Variants in TPO observed in about 807,000 individuals in gnomAD.
TPO encodes thyroid peroxidase.
Under a neutral mutation model 96.9 loss-of-function variants are expected in TPO, and 78 were observed. The ratio of observed to expected loss-of-function variants is 0.81; its 90% CI spans 0.67 to 0.97. The LOEUF is 0.97. TPO is among the 50% of genes least tolerant of loss of function. The pLI is 0.00. For missense variants in TPO, 1,252 were observed against 1,274.8 expected, an observed-to-expected ratio of 0.98 and a Z score of 0.27; for synonymous variants, 547 against 538.0, an observed-to-expected ratio of 1.02 and a Z score of -0.23.
In TPO at chr2:1,528,848, C is replaced by T. The variant is rs114832541; in HGVS notation, c.2619-11746C>T. 6.7e-3 allele frequency among the ~76,000 whole-genome samples: 978 copies of T among 146,646 alleles called. 36 individuals carry two copies. The highest frequency in any genetic ancestry group is 0.024 in the African/African-American group (928 of 38,420). On this transcript the variant is annotated intron_variant, in intron 15 of 16. Coordinates refer to ENST00000329066, the MANE Select transcript of TPO (RefSeq NM_001206744.2). ...CAAATCCTCCTACTGTGTGCAACCT[C>T]CTCAAATCCCCCACTGTGTGCAACC...
At chr2:1,540,806 C>T (rs890034419) in intron 16 of TPO, 83 bp downstream of exon 16, 9 of 1,608,944 alleles carry the variant, frequency 5.6e-6, no homozygotes, top group Non-Finnish European at 7.6e-6. Context: ...TCTGCTGGGG[C>T]TCCCTGCATA....
At chr2:1,385,597 T>G (rs1661879770) in intron 1 of TPO, among the ~76,000 whole-genome samples, 2 of 152,206 alleles carry the variant, frequency 1.3e-5, no homozygotes, top group South Asian at 2.1e-4. Flanking sequence ...GATTCTTCTC[T>G]CTTTTCTTCT....
intron 15 of TPO, among the ~76,000 whole-genome samples, chr2:1,517,280 C>T (rs1674810654): frequency 6.6e-6 from 1 of 152,164 alleles, no homozygotes; most frequent in South Asian, 2.1e-4. Flanking sequence ...TTGAAGTAGT[C>T]TCTTGTTAGG....
chr2:1,454,448 C>T (rs1374086208), intron 6 of TPO, among the ~76,000 whole-genome samples: 1 of 152,190 alleles, frequency 6.6e-6, no homozygotes, highest in Non-Finnish European at 1.5e-5. Context: ...GACAGATACA[C>T]CAGCACAGAG....
chr2:1,378,394 CA>C (rs1221293611), intron 1 of TPO, among the ~76,000 whole-genome samples: 5 of 152,236 alleles, frequency 3.3e-5, no homozygotes, highest in Admixed American at 3.3e-4. Context: ...TGCTTTTTCC[CA>C]GGGCTGTGGT....
chr2:1,414,953 C>A (rs1474163780), intron 2 of TPO, among the ~76,000 whole-genome samples: 2 of 152,246 alleles, frequency 1.3e-5, no homozygotes, highest in African/African-American at 4.8e-5. Flanking sequence ...AATAAAGTTC[C>A]AAACCCTGAG....
At chr2:1,464,643 C>T (rs1434994768) in intron 7 of TPO, among the ~76,000 whole-genome samples, 1 of 152,130 alleles carries the variant, frequency 6.6e-6, no homozygotes, top group Non-Finnish European at 1.5e-5. Flanking sequence ...TTGCATTTCC[C>T]TGATCATTAG....
At chr2:1,460,632 G>A (rs1345191633) in intron 7 of TPO, among the ~76,000 whole-genome samples, 1 of 152,234 alleles carries the variant, frequency 6.6e-6, no homozygotes, top group Admixed American at 6.5e-5. Context: ...AGAATGAAAT[G>A]AGATCGAATT....
intron 15 of TPO, among the ~76,000 whole-genome samples, chr2:1,524,197 T>A (rs1457013323): frequency 7.5e-6 from 1 of 133,842 alleles, no homozygotes; most frequent in Non-Finnish European, 1.6e-5. Flanking sequence ...CCATCCTGTG[T>A]GCAACCTCCT....
chr2:1,521,538 C>T (rs75673611), intron 15 of TPO, among the ~76,000 whole-genome samples: 23 of 152,246 alleles, frequency 1.5e-4, no homozygotes, highest in African/African-American at 5.1e-4. Context: ...GGGGTAGAGA[C>T]GGCCTGAGTC....
At chr2:1,478,729 CA>C (rs1337109903) in intron 8 of TPO, among the ~76,000 whole-genome samples, 1 of 151,668 alleles carries the variant, frequency 6.6e-6, no homozygotes, top group Non-Finnish European at 1.5e-5. Flanking sequence ...GCAAACACAG[CA>C]GACGAGCTCA....
chr2:1,482,272 C>T (rs954679235), intron 8 of TPO, among the ~76,000 whole-genome samples: 3 of 152,202 alleles, frequency 2.0e-5, no homozygotes, highest in Non-Finnish European at 2.9e-5. Context: ...CCTTCACGCC[C>T]ATCATTTTCC....
At chr2:1,499,109 T>G (rs1340479533) in intron 13 of TPO, among the ~76,000 whole-genome samples, 1 of 152,142 alleles carries the variant, frequency 6.6e-6, no homozygotes, top group African/African-American at 2.4e-5. Flanking sequence ...CACAGGCATC[T>G]TCAAGGTGCA....
chr2:1,512,511 T>C (rs556634957), intron 14 of TPO: 120 of 982,470 alleles, frequency 1.2e-4, no homozygotes, highest in Non-Finnish European at 1.4e-4. Context: ...ATGTGATGCT[T>C]GCATGGTGCT....
chr2:1,505,369 GTGTCAGGCACA>G (rs1673312979), intron 14 of TPO, among the ~76,000 whole-genome samples: 4 of 21,418 alleles, frequency 1.9e-4, no homozygotes, highest in South Asian at 1.7e-3. Context: ...CCCCACCCCC[GTGTCAGGCACA>G]CCCCACCAGC....
intron 16 of TPO, 153 bp from the exon 17 acceptor site, chr2:1,542,268 C>CCAGCATGACAAGCAAGAAGG: frequency 9.2e-7 from 1 of 1,089,426 alleles, no homozygotes; most frequent in Non-Finnish European, 1.3e-6. Context: ...AAACTTCCCT[C>CCAGCATGACAAGCAAGAAGG]CAGCATGACA....
At chr2:1,450,032 G>A (rs530682287) in intron 5 of TPO, among the ~76,000 whole-genome samples, 10 of 152,216 alleles carry the variant, frequency 6.6e-5, no homozygotes, top group African/African-American at 1.4e-4. Context: ...ATGAATCCTC[G>A]CACACCTGGC....
At position 1,540,627 on chromosome 2, in the gene TPO, C is replaced by T. The variant is rs763019320; in HGVS notation, c.2652C>T (p.Ile884=). The change falls in exon 16 of 17, where the codon ATC becomes ATT. Residue 884 remains isoleucine (I), a synonymous_variant. Coordinates refer to ENST00000329066, the MANE Select transcript of TPO (RefSeq NM_001206744.2). ...CTGGCACTAAATCCACACTGCCCAT[C>T]TCGGAGACAGGCGGAGGAACTCCCG... ...TRTGTKSTLP[I]SETGGGTPEL... The T allele has an allele frequency of 5.0e-6, 8 of 1,613,584 alleles. No individual in the cohort carries two copies. In the African/African-American group the frequency reaches 8.0e-5, roughly 16 times the overall value.
chr2:1,496,355 C>T (rs944883446), intron 12 of TPO, among the ~76,000 whole-genome samples, 158 bp downstream of exon 12: 3 of 140,728 alleles, frequency 2.1e-5, no homozygotes, highest in African/African-American at 5.1e-5. Flanking sequence ...CGGGGCGGGG[C>T]GGGGCGGGGC....
Sources: allele counts gnomAD v4.1 joint callset (sites outside exome capture counted in the v4.1 genomes callset), GRCh38; gene constraint gnomAD v4.1.1; transcripts MANE v1.5; gene names NCBI Gene and HGNC (gene_info 2026-07-23, HGNC 2026-07-21).